Variants in RASA3 observed in about 807,000 individuals in gnomAD.
RASA3 encodes the protein ras GTPase-activating protein 3.
In RASA3, 73 loss-of-function variants were observed where a neutral mutation model predicts 110.0. That is an observed-to-expected ratio of 0.66 (90% CI 0.55 to 0.81). The LOEUF is 0.81. Among genes scored for constraint, RASA3 ranks in the 30% least tolerant of loss-of-function variants. RASA3 has a pLI of 0.00. For missense variants in RASA3, 976 were observed against 1,113.2 expected (o/e 0.88, Z 1.75); for synonymous variants, 500 against 451.4 (o/e 1.11, Z -1.37).
Position 113,992,521 on chromosome 13 carries a change from A to G in RASA3, c.2209T>C (p.Phe737Leu). ...TCCAGCTTGCTCATGTACAAGTTGAAGAGGGAGTAGATACGCTCCGTCTCA... is the reference window on the plus strand; with the variant it reads ...TCCAGCTTGCTCATGTACAAGTTGAGGAGGGAGTAGATACGCTCCGTCTCA... ...DRETERIYSL[F>L]NLYMSKLEKM... Residue 737 changes from phenylalanine to leucine, a missense_variant, in exon 22 of 24, where the codon TTC becomes CTC. Physicochemically the swap from Phe to Leu is conservative, Grantham distance 22. Coordinates refer to ENST00000334062, the MANE Select transcript of RASA3 (RefSeq NM_007368.4). 1 of 1,613,574 alleles carries G rather than the reference A, an allele frequency of 6.2e-7. No homozygotes were observed. The highest frequency in any genetic ancestry group is 8.5e-7 in the Non-Finnish European group (1 of 1,179,942).
At chr13:114,037,015 C>T (rs1337447060) in intron 4 of RASA3, among the ~76,000 whole-genome samples, 1 of 152,150 alleles carries the variant, frequency 6.6e-6, no homozygotes, top group Non-Finnish European at 1.5e-5. Flanking sequence ...CATTTGCCTT[C>T]CATAAAGTGC....
intron 20 of RASA3, among the ~76,000 whole-genome samples, chr13:113,998,758 C>A (rs2053313833): frequency 1.3e-5 from 2 of 152,242 alleles, no homozygotes; most frequent in Admixed American, 1.3e-4. Flanking sequence ...CGAAGGCCTG[C>A]ACGCCTCAAA....
At chr13:113,993,945 G>T (rs565467841) in intron 21 of RASA3, among the ~76,000 whole-genome samples, 7 of 152,242 alleles carry the variant, frequency 4.6e-5, no homozygotes, top group African/African-American at 1.7e-4. Flanking sequence ...GGGAGGGCCT[G>T]ATAGGAACGC....
intron 23 of RASA3, among the ~76,000 whole-genome samples, chr13:113,981,160 T>C (rs756814799): frequency 1.3e-5 from 2 of 152,146 alleles, no homozygotes; most frequent in African/African-American, 4.8e-5. Context: ...CTCTGTTCCA[T>C]GGAGTGAGGG....
chr13:114,098,368 C>T (rs764170066), intron 1 of RASA3, among the ~76,000 whole-genome samples: 13 of 152,256 alleles, frequency 8.5e-5, no homozygotes, highest in East Asian at 3.9e-4. Context: ...CCAGGGTCTG[C>T]GTGCCCAGCC....
intron 3 of RASA3, among the ~76,000 whole-genome samples, chr13:114,046,996 C>T (rs1209167943): frequency 6.6e-6 from 1 of 152,184 alleles, no homozygotes; most frequent in Non-Finnish European, 1.5e-5. Flanking sequence ...AAAACCGCCA[C>T]AACCGTGGAA....
At chr13:114,055,618 C>G (rs2079230770) in intron 2 of RASA3, among the ~76,000 whole-genome samples, 1 of 152,210 alleles carries the variant, frequency 6.6e-6, no homozygotes, top group African/African-American at 2.4e-5. Flanking sequence ...TTTACAACGA[C>G]AAAACGGCCT....
intron 1 of RASA3, among the ~76,000 whole-genome samples, chr13:114,111,880 G>A (rs923344851): frequency 9.2e-5 from 14 of 152,176 alleles, no homozygotes; most frequent in African/African-American, 3.4e-4. Flanking sequence ...GAGGATCATC[G>A]GATCCTGTGT....
chr13:114,110,258 G>A (rs1056436852), intron 1 of RASA3, among the ~76,000 whole-genome samples: 1 of 152,198 alleles, frequency 6.6e-6, no homozygotes, highest in Admixed American at 6.5e-5. Flanking sequence ...GGGTCTACGG[G>A]CTTACATGGC....
At chr13:114,089,852 CTCTGTGGG>C (rs1187699385) in intron 1 of RASA3, among the ~76,000 whole-genome samples, 4 of 137,798 alleles carry the variant, frequency 2.9e-5, no homozygotes, top group Non-Finnish European at 6.2e-5. Flanking sequence ...CACTCTGTGT[CTCTGTGGG>C]TCTGCTTGTC....
At chr13:114,016,363 G>A in intron 12 of RASA3, 92 bp from the exon 13 acceptor site, 1 of 973,332 alleles carries the variant, frequency 1.0e-6, no homozygotes, top group South Asian at 1.3e-5. Context: ...CTGAGATGTA[G>A]ACCCTGAGCC....
At chr13:114,109,827 C>T (rs1381101867) in intron 1 of RASA3, among the ~76,000 whole-genome samples, 1 of 152,214 alleles carries the variant, frequency 6.6e-6, no homozygotes, top group Admixed American at 6.5e-5. Flanking sequence ...GACTGGGTCT[C>T]TTTGACCGGG....
At position 114,016,211 on chromosome 13, in the gene RASA3, G is replaced by C. The variant is rs533433507; in HGVS notation, c.1267C>G (p.Leu423Val). 3 of 1,594,040 alleles carry C rather than the reference G, an allele frequency of 1.9e-6. No individual in the cohort carries two copies. Among genetic ancestry groups the C allele is most frequent in the Non-Finnish European group, 2.6e-6 (3 of 1,161,930 alleles). ...ACAAAACCTACCATGTTGTTTTCAA[G>C]GTTTTCTCCGTCTTTCAACTTCACA... ...DPVKLKDGEN[L>V]ENNMENLRQY... The change falls in exon 13 of 24, where the codon CTT becomes GTT. Residue 423 changes from leucine to valine, a missense_variant. Around this residue, in one of 4 missense-constraint regions of RASA3, gnomAD observed 732 missense variants for 779.7 expected, o/e 0.94. Transcript: ENST00000334062.
chr13:114,052,262 T>C (rs1272204154), intron 2 of RASA3, 107 bp from the exon 3 acceptor site: 3 of 711,194 alleles, frequency 4.2e-6, no homozygotes, highest in Non-Finnish European at 7.3e-6. Context: ...AAGAATGCCC[T>C]GCACTGTGTG....
At chr13:114,069,051 G>C (rs1393534823) in intron 2 of RASA3, among the ~76,000 whole-genome samples, 1 of 152,210 alleles carries the variant, frequency 6.6e-6, no homozygotes, top group South Asian at 2.1e-4. Flanking sequence ...GCGGCCCAGG[G>C]GCCCGGGCCA....
In RASA3 at chr13:114,011,369, C is replaced by G. The variant is rs533100109; in HGVS notation, c.1513-121G>C. 1 of 875,988 alleles carries G rather than the reference C, an allele frequency of 1.1e-6. No individual in the cohort carries two copies. Among genetic ancestry groups the G allele is most frequent in the Admixed American group, 2.1e-5 (1 of 47,974 alleles). The allele number at this position is 875,988 out of a possible 1,614,324, so 54.3% of individuals were successfully genotyped here. A position where few individuals can be genotyped will look rare whatever the true frequency, so the allele number is the denominator to read the frequency against. On this transcript the variant is annotated intron_variant, in intron 15 of 23. Transcript: ENST00000334062. The surrounding 1 kb of genome is among the most constrained non-coding windows in gnomAD (Gnocchi z 4.8). ...GCTGCTGTGGCTTGTGCATGAGCTA[C>G]GGAGAAACAGGGGTAGCGACGCAGA...
chr13:114,062,319 G>C (rs1272111219), intron 2 of RASA3, among the ~76,000 whole-genome samples: 1 of 151,856 alleles, frequency 6.6e-6, no homozygotes, highest in Non-Finnish European at 1.5e-5. Context: ...TTCATTGAGG[G>C]GGGGCTCGCA....
At chr13:114,082,927 T>G (rs1323424329) in intron 1 of RASA3, among the ~76,000 whole-genome samples, 1 of 152,210 alleles carries the variant, frequency 6.6e-6, no homozygotes, top group Non-Finnish European at 1.5e-5. Context: ...AGCTAATTGA[T>G]TCTCACAGCA....
intron 1 of RASA3, among the ~76,000 whole-genome samples, chr13:114,108,284 C>CA: frequency 5.9e-5 from 2 of 33,896 alleles, no homozygotes; most frequent in Admixed American, 2.3e-4. Context: ...TCTGTCATCC[C>CA]CGTCCGTCAC....
Sources: allele counts gnomAD v4.1 joint callset (sites outside exome capture counted in the v4.1 genomes callset), GRCh38; gene constraint gnomAD v4.1.1; regional missense constraint gnomAD v4.1.1; non-coding constraint Gnocchi (gnomAD v3.1); transcripts MANE v1.5; gene names NCBI Gene and HGNC (gene_info 2026-07-23, HGNC 2026-07-21).